Variants in GATB observed in about 807,000 individuals in gnomAD.
GATB encodes glutamyl-tRNA amidotransferase subunit B.
Under a neutral mutation model 62.3 loss-of-function variants are expected in GATB, and 39 were observed. The observed-to-expected ratio is 0.63, with a 90% CI of 0.48 to 0.82. The LOEUF (loss-of-function observed/expected upper bound fraction) is 0.82. Ranked by LOEUF, GATB falls within the 40% of genes least tolerant of loss-of-function variation. The pLI is 0.00. For synonymous variants in GATB, 276 were observed against 258.9 expected, an observed-to-expected ratio of 1.07 and a Z score of -0.63; for missense variants, 670 against 684.0, an observed-to-expected ratio of 0.98 and a Z score of 0.23.
chr4:151,745,825 T>C (rs1386948662), intron 2 of GATB, among the ~76,000 whole-genome samples: 4 of 152,242 alleles, frequency 2.6e-5, no homozygotes, highest in Admixed American at 6.5e-5. Flanking sequence ...ATACCTTTGA[T>C]ATGGAAAGCC....
intron 2 of GATB, among the ~76,000 whole-genome samples, chr4:151,740,858 C>T (rs1428211602): frequency 6.6e-6 from 1 of 152,086 alleles, no homozygotes; most frequent in African/African-American, 2.4e-5. Flanking sequence ...CAGAACAAAG[C>T]CTGTATGAAC....
chr4:151,721,492 G>A (rs549438895), intron 2 of GATB: 6 of 152,310 alleles, frequency 3.9e-5, no homozygotes, highest in African/African-American at 1.4e-4. Context: ...TTTACTGAGC[G>A]GTTGTTACTG....
rs376763149 is a variant in GATB at position 151,716,854 on chromosome 4, A to G, written c.640+22T>C. ...AAGAACTGAAGTAGGAAGGAGAAAT[A>G]ATGAAAACACTCCAAGCCTACCTGC... On this transcript the variant is annotated intron_variant, in intron 4 of 12. Transcript: ENST00000263985. The G allele has an allele frequency of 1.9e-6, 3 of 1,610,622 alleles. No homozygotes were observed. In the African/African-American group the frequency reaches 4.0e-5, roughly 22 times the overall value.
intron 2 of GATB, among the ~76,000 whole-genome samples, chr4:151,751,271 T>C (rs568255185): frequency 1.3e-5 from 2 of 152,350 alleles, no homozygotes; most frequent in East Asian, 3.9e-4. Flanking sequence ...GTACAGGTAA[T>C]GTTTGATTAT....
At chr4:151,733,197 A>G (rs1739303302) in intron 2 of GATB, among the ~76,000 whole-genome samples, 1 of 152,208 alleles carries the variant, frequency 6.6e-6, no homozygotes, top group Non-Finnish European at 1.5e-5. Flanking sequence ...CTTTGAAAAG[A>G]TAAATAAAAT....
chr4:151,717,297 C>T (rs1421804908), intron 3 of GATB: 1 of 558,392 alleles, frequency 1.8e-6, no homozygotes, highest in African/African-American at 1.9e-5. Flanking sequence ...CCAAATCCTC[C>T]ACCCCTGATA....
chr4:151,680,500 G>A (rs1738117674), intron 10 of GATB, among the ~76,000 whole-genome samples: 2 of 152,284 alleles, frequency 1.3e-5, no homozygotes, highest in South Asian at 2.1e-4. Flanking sequence ...TTTCTAGGAT[G>A]TGACTTATTT....
At chr4:151,680,535 T>A (rs1039806389) in intron 10 of GATB, among the ~76,000 whole-genome samples, 23 of 152,142 alleles carry the variant, frequency 1.5e-4, no homozygotes, top group Non-Finnish European at 2.9e-5. Flanking sequence ...AAAGAAAAGG[T>A]CAGGGGCATC....
chr4:151,710,441 T>A (rs894993462), intron 5 of GATB, among the ~76,000 whole-genome samples: 1 of 152,218 alleles, frequency 6.6e-6, no homozygotes, highest in African/African-American at 2.4e-5. Flanking sequence ...CAGCAAAGCC[T>A]CTTAAACAAG....
chr4:151,710,406 T>C (rs748429041), intron 5 of GATB, among the ~76,000 whole-genome samples: 5 of 152,232 alleles, frequency 3.3e-5, no homozygotes, highest in Non-Finnish European at 5.9e-5. Flanking sequence ...CAGTCACTCA[T>C]CTATCGTTTC....
intron 2 of GATB, among the ~76,000 whole-genome samples, chr4:151,740,816 C>T (rs1419431993): frequency 6.6e-6 from 1 of 152,124 alleles, no homozygotes; most frequent in Non-Finnish European, 1.5e-5. Flanking sequence ...TTTCAGGCTG[C>T]GTTTTTATTA....
Position 151,708,034 on chromosome 4 carries a change from C to T in GATB, c.831G>A (p.Thr277=), listed in dbSNP as rs200228996. 4.8e-5 allele frequency: 78 copies of T among 1,614,106 alleles called. No individual in the cohort carries two copies. The East Asian group carries it at 1.5e-3, about 31-fold the overall frequency. ...TGATGCTGTTGAGATTCTTCACTTC[C>T]GTTCGAACGCCCAAAGGCTCCCCAG... ...HHPGEPLGVR[T]EVKNLNSIRF... Residue 277 remains threonine (T), a synonymous_variant, in exon 6 of 13, where the codon ACG becomes ACA. Coordinates refer to ENST00000263985, the MANE Select transcript of GATB (RefSeq NM_004564.3).
chr4:151,740,398 C>T (rs1200634431), intron 2 of GATB, among the ~76,000 whole-genome samples: 1 of 152,196 alleles, frequency 6.6e-6, no homozygotes, highest in Non-Finnish European at 1.5e-5. Context: ...ACGCTACTAA[C>T]CTGTACAGCA....
At position 151,679,445 on chromosome 4, in the gene GATB, C is replaced by A. The variant is rs181982612; in HGVS notation, c.1410+368G>T. ...GGGAGCCCTGGGACTGGCTGGGAGGCGGTGTGGGGGCGGGACAAGAGCCCC... is the reference window on the plus strand; with the variant it reads ...GGGAGCCCTGGGACTGGCTGGGAGGAGGTGTGGGGGCGGGACAAGAGCCCC... On this transcript the variant is annotated intron_variant, in intron 11 of 12. Coordinates refer to ENST00000263985, the MANE Select transcript of GATB (RefSeq NM_004564.3). Among the ~76,000 whole-genome samples, 56 of 152,190 alleles carry A rather than the reference C, an allele frequency of 3.7e-4. 1 individual carries two copies. Among genetic ancestry groups the A allele is most frequent in the African/African-American group, 1.3e-3 (52 of 41,526 alleles).
chr4:151,720,627 CATTTT>C (rs1308329228), intron 2 of GATB: 1 of 152,112 alleles, frequency 6.6e-6, no homozygotes, highest in Non-Finnish European at 1.5e-5. Flanking sequence ...CCACATCCAC[CATTTT>C]ATTTCAGCCT....
chr4:151,683,116 C>T (rs1269975054), intron 10 of GATB, among the ~76,000 whole-genome samples: 1 of 152,232 alleles, frequency 6.6e-6, no homozygotes, highest in Non-Finnish European at 1.5e-5. Flanking sequence ...CTCACAGCTT[C>T]ACAAATGCTC....
At chr4:151,725,955 T>A (rs181016563) in intron 2 of GATB, among the ~76,000 whole-genome samples, 1 of 152,150 alleles carries the variant, frequency 6.6e-6, no homozygotes, top group Non-Finnish European at 1.5e-5. Flanking sequence ...CCTTAAAAAA[T>A]TGAGGTGACA....
rs1222175144 is a variant in GATB at position 151,697,959 on chromosome 4, A to ATATATATGTG, written c.1197+3369_1197+3370insCACATATATA. Among the ~76,000 whole-genome samples the ATATATATGTG allele has an allele frequency of 9.1e-5, 5 of 54,970 alleles. 1 individual carries two copies. Among genetic ancestry groups the ATATATATGTG allele is most frequent in the African/African-American group, 3.4e-4 (5 of 14,772 alleles). The allele number at this position is 54,970 out of a possible 152,430, so 36.1% of individuals were successfully genotyped here. ...TATATGTGTGTGTGTGTGTGTATAT[A>ATATATATGTG]TATATATATATATATATATATATAT... On this transcript the variant is annotated intron_variant, in intron 9 of 12. Coordinates refer to ENST00000263985, the MANE Select transcript of GATB (RefSeq NM_004564.3).
chr4:151,675,716 A>AGAT (rs1737986171), intron 11 of GATB: 1 of 152,294 alleles, frequency 6.6e-6, no homozygotes, highest in South Asian at 2.1e-4. Context: ...CAAGACAAAC[A>AGAT]GATGTAACAA....
Sources: gnomAD v4.1 joint callset for allele counts (sites outside exome capture counted in the v4.1 genomes callset) on GRCh38, gnomAD v4.1.1 for gene constraint, MANE v1.5 for transcripts, NCBI Gene and HGNC (gene_info 2026-07-23, HGNC 2026-07-21) for gene names.